Variants in PAK6 observed in about 807,000 individuals in gnomAD.
PAK6 encodes serine/threonine-protein kinase PAK 6.
A neutral mutation model predicts 60.8 loss-of-function variants in PAK6; 33 were observed. The ratio of observed to expected loss-of-function variants is 0.54; its 90% confidence interval spans 0.41 to 0.73. The LOEUF (loss-of-function observed/expected upper bound fraction) is 0.73. PAK6 is among the 30% of genes least tolerant of loss of function. PAK6 has a pLI of 0.00. For synonymous variants in PAK6, 404 were observed against 378.5 expected, an observed-to-expected ratio of 1.07 and a Z score of -0.78; for missense variants, 845 against 904.1, an observed-to-expected ratio of 0.93 and a Z score of 0.84.
At chr15:40,256,753 C>A (rs2038845089) in intron 3 of PAK6, 1 of 152,200 alleles carries the variant, frequency 6.6e-6, no homozygotes, top group Non-Finnish European at 1.5e-5. Context: ...ATAATGGAGA[C>A]AGTACTAGTG....
At chr15:40,268,423 C>T (rs574946291) in intron 5 of PAK6, among the ~76,000 whole-genome samples, 2 of 152,290 alleles carry the variant, frequency 1.3e-5, no homozygotes, top group South Asian at 2.1e-4. Flanking sequence ...AAATGTCACT[C>T]GAGCACACCC....
chr15:40,252,043 G>A (rs2038683720), intron 2 of PAK6: 3 of 242,934 alleles, frequency 1.2e-5, no homozygotes, highest in East Asian at 1.3e-4. Context: ...GGCTGACAAG[G>A]GAACTGGAAT....
intron 3 of PAK6, among the ~76,000 whole-genome samples, chr15:40,260,911 CAG>C (rs1347208121): frequency 2.8e-5 from 4 of 144,270 alleles, no homozygotes; most frequent in African/African-American, 7.7e-5. Context: ...TTTTTTGAGA[CAG>C]AGTCTCGCTC....
chr15:40,252,552 T>TC (rs1416716363), intron 2 of PAK6: 1 of 1,361,248 alleles, frequency 7.3e-7, no homozygotes, highest in East Asian at 4.6e-5. Context: ...GAAATCAAAA[T>TC]CGCGGTCAGG....
At chr15:40,269,321 G>T (rs1365259462) in intron 5 of PAK6, among the ~76,000 whole-genome samples, 1 of 152,124 alleles carries the variant, frequency 6.6e-6, no homozygotes, top group Non-Finnish European at 1.5e-5. Context: ...ATGCCAGGCC[G>T]GCTTTATTAT....
intron 2 of PAK6, chr15:40,252,197 G>T: frequency 2.8e-6 from 3 of 1,076,578 alleles, no homozygotes; most frequent in Non-Finnish European, 2.4e-6. Context: ...GGCACACGCG[G>T]CCCGCTCAGG....
chr15:40,242,989 T>C (rs1377834509), intron 2 of PAK6, among the ~76,000 whole-genome samples: 2 of 152,122 alleles, frequency 1.3e-5, no homozygotes, highest in Non-Finnish European at 2.9e-5. Flanking sequence ...AAAGGAAAGC[T>C]GAGCTGAGCG....
At chr15:40,253,070 G>T in intron 2 of PAK6, 108 bp from the exon 3 acceptor site, 1 of 395,984 alleles carries the variant, frequency 2.5e-6, no homozygotes, top group Non-Finnish European at 5.0e-6. Flanking sequence ...GTTCAGTCGG[G>T]AGGCGGGCGC....
At chr15:40,244,853 T>G (rs537516927) in intron 2 of PAK6, 1 of 152,190 alleles carries the variant, frequency 6.6e-6, no homozygotes, top group African/African-American at 2.4e-5. Flanking sequence ...CATAACTACA[T>G]GAGAGGCCGC....
chr15:40,264,737 C>T, intron 3 of PAK6, 44 bp from the exon 4 acceptor site: 1 of 1,569,512 alleles, frequency 6.4e-7, no homozygotes, highest in Non-Finnish European at 8.8e-7. Context: ...CTGCAGCCAC[C>T]CCTCTTTCCC....
exon 8 of PAK6, chr15:40,273,469 C>T (rs2039366832): frequency 6.2e-7 from 1 of 1,613,508 alleles, no homozygotes; most frequent in African/African-American, 1.3e-5. Flanking sequence ...CCCTCGATGG[C>T]AGGGTAGGTC....
intron 2 of PAK6, among the ~76,000 whole-genome samples, chr15:40,241,514 A>G (rs1237407755): frequency 6.6e-6 from 1 of 152,120 alleles, no homozygotes; most frequent in Admixed American, 6.5e-5. Context: ...CTCTGCAGGC[A>G]GGCTTCCCTG....
At chr15:40,264,810 C>T (rs776347957) in exon 4 of PAK6, 18 of 1,613,790 alleles carry the variant, frequency 1.1e-5, no homozygotes, top group African/African-American at 1.3e-5. Context: ...AAAGAAGAAA[C>T]GCCCTGAGAT....
chr15:40,265,802 T>G lies in PAK6; in HGVS notation c.205-40T>G, dbSNP rs770806284. 5 of 1,491,748 alleles carry G rather than the reference T, an allele frequency of 3.4e-6. No individual in the cohort carries two copies. The African/African-American group carries it at 7.1e-5, about 21-fold the overall frequency. 92.4% of individuals were successfully genotyped at this position (1,491,748 alleles called of 1,614,324 possible). ...TCCCAGCCACCCCTCCCTGCCACAA[T>G]TGGGCAGCTCCCACACACTCTTTTC... On this transcript the variant is annotated intron_variant, in intron 4 of 10. Coordinates refer to ENST00000560346, the Ensembl canonical transcript of PAK6.
intron 10 of PAK6, among the ~76,000 whole-genome samples, chr15:40,275,282 T>TTTTTTG (rs1566859685): frequency 1.1e-5 from 1 of 95,152 alleles, no homozygotes; most frequent in African/African-American, 4.6e-5. Context: ...TGTTGTTGGT[T>TTTTTTG]TTTTTTTTTT....
At chr15:40,273,292 G>T in intron 7 of PAK6, 54 bp from the exon 8 acceptor site, 1 of 1,590,394 alleles carries the variant, frequency 6.3e-7, no homozygotes. Context: ...GCCACCCCAC[G>T]ACCTGCCAGA....
At chr15:40,249,859 G>A (rs1044041803) in intron 2 of PAK6, among the ~76,000 whole-genome samples, 3 of 152,236 alleles carry the variant, frequency 2.0e-5, no homozygotes, top group Non-Finnish European at 4.4e-5. Context: ...ATACTGGCCT[G>A]CCAATGCCTC....
exon 11 of PAK6, chr15:40,276,752 G>GTGTGTGTGTGTA (rs1241415341): frequency 1.4e-5 from 1 of 73,224 alleles, no homozygotes; most frequent in Non-Finnish European, 2.8e-5. Flanking sequence ...AGAACATCGT[G>GTGTGTGTGTGTA]TGTGTGTGTG....
At position 40,266,104 on chromosome 15, in the gene PAK6, A is replaced by G. The variant is rs756180270; in HGVS notation, c.467A>G (p.Lys156Arg). The G allele has an allele frequency of 6.4e-5, 103 of 1,608,860 alleles. No homozygotes were observed. The highest frequency in any genetic ancestry group is 6.6e-5 in the Non-Finnish European group (78 of 1,179,540). ...AACGGGGGCACACCAGCAGGCCACAAGCAGATGCCGTGGCCCGAGCCACAG... is the reference window on the plus strand; with the variant it reads ...AACGGGGGCACACCAGCAGGCCACAGGCAGATGCCGTGGCCCGAGCCACAG... Residue 156 changes from lysine to arginine, a missense_variant, in exon 5 of 11, where the codon AAG becomes AGG. Physicochemically the swap from Lys to Arg is conservative, Grantham distance 26. Coordinates refer to ENST00000560346, the Ensembl canonical transcript of PAK6.
Sources: allele counts gnomAD v4.1 joint callset (sites outside exome capture counted in the v4.1 genomes callset), GRCh38; gene constraint gnomAD v4.1.1; transcripts MANE v1.5; gene names NCBI Gene and HGNC (gene_info 2026-07-23, HGNC 2026-07-21).